The following MEMO1 variants were observed in gnomAD, a reference collection of about 807,000 sequenced individuals.
MEMO1 encodes the protein mediator of cell motility 1.
MEMO1 carries 6 observed loss-of-function variants against 45.2 expected under a neutral mutation model. The observed-to-expected ratio is 0.13, with a 90% confidence interval of 0.07 to 0.26. MEMO1 has a LOEUF of 0.26. Among genes scored for constraint, MEMO1 ranks in the 10% least tolerant of loss-of-function variants. The pLI is 1.00. For missense variants in MEMO1, 184 were observed against 370.5 expected (o/e 0.50, Z 4.13); for synonymous variants, 78 against 124.3 (o/e 0.63, Z 2.48).
At chr2:31,989,942 AC>A (rs1671739434) in intron 2 of MEMO1, among the ~76,000 whole-genome samples, 1 of 152,106 alleles carries the variant, frequency 6.6e-6, no homozygotes, top group Non-Finnish European at 1.5e-5. Flanking sequence ...ACATGGTGAA[AC>A]CCTGTCTCTA....
At chr2:31,869,173 G>C (rs911102821) in intron 9 of MEMO1, among the ~76,000 whole-genome samples, 1 of 151,902 alleles carries the variant, frequency 6.6e-6, no homozygotes, top group African/African-American at 2.4e-5. Context: ...GTCTATTCTG[G>C]ACTACATTAT....
chr2:31,960,117 G>A (rs1187551247), intron 2 of MEMO1, among the ~76,000 whole-genome samples: 1 of 151,486 alleles, frequency 6.6e-6, no homozygotes, highest in Non-Finnish European at 1.5e-5. Context: ...GAACTGCTTG[G>A]ACCTAGGAGG....
chr2:31,939,138 G>A (rs1665308856), intron 3 of MEMO1, among the ~76,000 whole-genome samples: 1 of 151,522 alleles, frequency 6.6e-6, no homozygotes, highest in African/African-American at 2.4e-5. Context: ...GCCTTGGAAA[G>A]GAAAATAATT....
At chr2:31,892,597 T>A (rs917615654) in intron 6 of MEMO1, among the ~76,000 whole-genome samples, 3 of 152,198 alleles carry the variant, frequency 2.0e-5, no homozygotes, top group African/African-American at 7.2e-5. Context: ...ACTTGCTCTA[T>A]AAACCTGCCA....
intron 4 of MEMO1, among the ~76,000 whole-genome samples, chr2:31,930,035 G>A (rs562435752): frequency 2.0e-5 from 3 of 152,202 alleles, no homozygotes; most frequent in Admixed American, 6.5e-5. Context: ...CGAGGTGGGC[G>A]GATCACCCGC....
At chr2:31,913,839 T>G (rs900947854) in intron 6 of MEMO1, among the ~76,000 whole-genome samples, 4 of 152,132 alleles carry the variant, frequency 2.6e-5, no homozygotes, top group Non-Finnish European at 5.9e-5. Flanking sequence ...TCTTCCCACC[T>G]CTCAATGCTC....
chr2:31,938,959 G>A (rs1665279158), intron 3 of MEMO1, among the ~76,000 whole-genome samples: 1 of 151,448 alleles, frequency 6.6e-6, no homozygotes, highest in Non-Finnish European at 1.5e-5. Context: ...GCTAATTTTT[G>A]TATTTTTTGT....
At chr2:31,952,494 A>T (rs1465388914) in intron 2 of MEMO1, among the ~76,000 whole-genome samples, 1 of 152,206 alleles carries the variant, frequency 6.6e-6, no homozygotes, top group African/African-American at 2.4e-5. Flanking sequence ...GAATCACAGT[A>T]TACTTATTCC....
intron 6 of MEMO1, among the ~76,000 whole-genome samples, chr2:31,893,749 G>C (rs1677297608): frequency 6.6e-6 from 1 of 152,126 alleles, no homozygotes; most frequent in South Asian, 2.1e-4. Flanking sequence ...CTATAGGAAA[G>C]GTACTTCGTC....
chr2:31,953,604 C>A (rs528543994), intron 2 of MEMO1, among the ~76,000 whole-genome samples: 5 of 151,882 alleles, frequency 3.3e-5, no homozygotes, highest in Non-Finnish European at 7.4e-5. Flanking sequence ...TACAGATGTG[C>A]ACCACCATGT....
intron 7 of MEMO1, among the ~76,000 whole-genome samples, chr2:31,888,660 A>G (rs1676519776): frequency 6.6e-6 from 1 of 152,124 alleles, no homozygotes; most frequent in Non-Finnish European, 1.5e-5. Context: ...CACTTAATCT[A>G]CTTCCTGCTA....
At chr2:31,983,825 T>C (rs1254705713) in intron 2 of MEMO1, among the ~76,000 whole-genome samples, 1 of 152,210 alleles carries the variant, frequency 6.6e-6, no homozygotes, top group Non-Finnish European at 1.5e-5. Flanking sequence ...CAGGAAAATA[T>C]AAGATGAGCT....
intron 6 of MEMO1, among the ~76,000 whole-genome samples, chr2:31,910,753 G>A (rs926124131): frequency 6.6e-6 from 1 of 152,062 alleles, no homozygotes; most frequent in Non-Finnish European, 1.5e-5. Flanking sequence ...CCAGCTACTC[G>A]AGAGGCTGAG....
chr2:31,917,476 G>C (rs1483900499), intron 6 of MEMO1, among the ~76,000 whole-genome samples: 1 of 152,104 alleles, frequency 6.6e-6, no homozygotes, highest in South Asian at 2.1e-4. Context: ...CAGGTACCAC[G>C]TAACAGTCTG....
At chr2:31,918,069 T>C in intron 5 of MEMO1, 32 bp from the exon 6 acceptor site, 1 of 1,439,234 alleles carries the variant, frequency 6.9e-7, no homozygotes, top group Non-Finnish European at 9.6e-7. Context: ...GTAAAATAAA[T>C]ATATTAATGT....
chr2:31,938,490 C>CA (rs1268330598), intron 3 of MEMO1, among the ~76,000 whole-genome samples: 3 of 150,928 alleles, frequency 2.0e-5, no homozygotes, highest in African/African-American at 2.4e-5. Flanking sequence ...ACTAAAAATG[C>CA]AAAAAAAATT....
At chr2:31,909,759 T>A (rs1680287297) in intron 6 of MEMO1, among the ~76,000 whole-genome samples, 1 of 152,020 alleles carries the variant, frequency 6.6e-6, no homozygotes, top group Non-Finnish European at 1.5e-5. Context: ...TTTTTTTAAA[T>A]CCTAAAATTT....
intron 2 of MEMO1, among the ~76,000 whole-genome samples, chr2:31,983,527 C>T (rs886403590): frequency 7.2e-5 from 11 of 152,030 alleles, no homozygotes; most frequent in African/African-American, 2.7e-4. Flanking sequence ...ATCCGCCTTC[C>T]GGGTTCAAGC....
intron 3 of MEMO1, among the ~76,000 whole-genome samples, chr2:31,942,234 TA>T (rs1329356899): frequency 6.6e-6 from 1 of 152,124 alleles, no homozygotes; most frequent in East Asian, 1.9e-4. Flanking sequence ...TTTTCTCAAT[TA>T]AAAAAAGACA....
Sources: gnomAD v4.1 joint callset for allele counts (sites outside exome capture counted in the v4.1 genomes callset) on GRCh38, gnomAD v4.1.1 for gene constraint, MANE v1.5 for transcripts, NCBI Gene and HGNC (gene_info 2026-07-23, HGNC 2026-07-21) for gene names.